The following CDH6 variants were observed in gnomAD, a reference collection of about 807,000 sequenced individuals.
CDH6 encodes the protein cadherin-6.
Under a neutral mutation model 78.0 loss-of-function variants are expected in CDH6, and 31 were observed. The observed-to-expected ratio is 0.40, with a 90% confidence interval of 0.30 to 0.54. The LOEUF is 0.54. CDH6 is among the 20% of genes least tolerant of loss of function. The pLI is 0.56. For missense variants in CDH6, 724 were observed against 975.9 expected (o/e 0.74, Z 3.44); for synonymous variants, 376 against 368.8 (o/e 1.02, Z -0.23).
At chr5:31,201,626 A>G (rs1052390072) in intron 1 of CDH6, among the ~76,000 whole-genome samples, 1 of 152,162 alleles carries the variant, frequency 6.6e-6, no homozygotes. Context: ...AAGTAACTCA[A>G]TGTCAATCCT....
intron 1 of CDH6, among the ~76,000 whole-genome samples, chr5:31,229,194 G>A (rs1181276051): frequency 2.6e-5 from 4 of 152,192 alleles, no homozygotes; most frequent in Non-Finnish European, 4.4e-5. Context: ...TCAAGGTGAA[G>A]AGACTCAGTC....
intron 2 of CDH6, among the ~76,000 whole-genome samples, chr5:31,279,893 G>A (rs1276229662): frequency 6.6e-6 from 1 of 152,120 alleles, no homozygotes; most frequent in Non-Finnish European, 1.5e-5. Context: ...AAAACAAAGG[G>A]CAGCTATTTA....
At chr5:31,200,842 T>G (rs894836076) in intron 1 of CDH6, among the ~76,000 whole-genome samples, 1 of 152,136 alleles carries the variant, frequency 6.6e-6, no homozygotes, top group African/African-American at 2.4e-5. Flanking sequence ...ATTCAAAAAG[T>G]CATGTAGTTA....
At chr5:31,255,676 C>T (rs1051720070) in intron 1 of CDH6, among the ~76,000 whole-genome samples, 3 of 152,170 alleles carry the variant, frequency 2.0e-5, no homozygotes, top group African/African-American at 7.2e-5. Context: ...CCTTCACAAG[C>T]CCCCTTCTGT....
In CDH6 at chr5:31,297,300, G is replaced by T. The variant is rs772493001; in HGVS notation, c.535G>T (p.Val179Phe). 1.2e-6 allele frequency: 2 copies of T among 1,611,590 alleles called. No homozygotes were observed. The highest frequency in any genetic ancestry group is 4.5e-5 in the East Asian group (2 of 44,834). The part of the protein sequence containing the change: ...PEMSDVGTFV[V>F]QVTATDADDP... ...TTCTGTCATTACAGGTACATTTGTT[G>T]TCCAAGTCACTGCGACGGATGCAGA... The change falls in exon 4 of 12, where the codon GTC becomes TTC. Residue 179 changes from valine to phenylalanine, a missense_variant. This residue lies in a region of CDH6 where 446 missense variants were observed against 684.5 expected (regional missense o/e 0.65). Coordinates refer to ENST00000265071, the MANE Select transcript of CDH6 (RefSeq NM_004932.4).
intron 1 of CDH6, among the ~76,000 whole-genome samples, chr5:31,212,197 T>C (rs980730019): frequency 2.6e-5 from 4 of 152,206 alleles, no homozygotes; most frequent in Admixed American, 2.0e-4. Context: ...AGTTAATTGC[T>C]AATAGAACTT....
At chr5:31,217,030 A>G (rs983403600) in intron 1 of CDH6, among the ~76,000 whole-genome samples, 29 of 152,080 alleles carry the variant, frequency 1.9e-4, no homozygotes, top group African/African-American at 7.0e-4. Context: ...TTTATTATGC[A>G]TGTTGATATT....
chr5:31,280,978 T>C (rs1476969372), intron 2 of CDH6, among the ~76,000 whole-genome samples: 3 of 151,942 alleles, frequency 2.0e-5, no homozygotes, highest in Admixed American at 6.6e-5. Context: ...TCCCTGATGG[T>C]ATGAGAGGTT....
intron 1 of CDH6, among the ~76,000 whole-genome samples, chr5:31,258,180 A>G (rs1310893215): frequency 6.6e-6 from 1 of 152,252 alleles, no homozygotes; most frequent in Non-Finnish European, 1.5e-5. Context: ...ATAAAGACAC[A>G]TGCACACATA....
chr5:31,202,627 A>G (rs374582828), intron 1 of CDH6, among the ~76,000 whole-genome samples: 266 of 149,532 alleles, frequency 1.8e-3, no homozygotes, highest in Non-Finnish European at 3.1e-3. Flanking sequence ...TAAGAGCAAA[A>G]CTTCACCTCA....
Position 31,213,097 on chromosome 5 carries a change from G to A in CDH6, c.-129+19211G>A, listed in dbSNP as rs192808726. ...CTAGAAAAATTCTCAAAAAATATGT[G>A]GTAGAAGTTATTTTGAATGCGTACT... is the stretch of plus-strand genomic sequence containing the variant. On this transcript the variant is annotated intron_variant, in intron 1 of 11. Transcript: ENST00000265071. 9.2e-4 allele frequency among the ~76,000 whole-genome samples: 140 copies of A among 152,200 alleles called. 1 individual carries two copies. Among genetic ancestry groups the A allele is most frequent in the African/African-American group, 3.3e-3 (138 of 41,534 alleles).
At chr5:31,227,123 G>A (rs529729721) in intron 1 of CDH6, among the ~76,000 whole-genome samples, 145 of 152,246 alleles carry the variant, frequency 9.5e-4, no homozygotes, top group Middle Eastern at 3.4e-3. Context: ...TCCCTGCCTA[G>A]CTGATGCTCG....
At chr5:31,235,430 C>A (rs1741430745) in intron 1 of CDH6, among the ~76,000 whole-genome samples, 2 of 151,940 alleles carry the variant, frequency 1.3e-5, no homozygotes, top group Admixed American at 6.6e-5. Flanking sequence ...ATATAGCTAT[C>A]CTCCATTCTA....
At chr5:31,259,089 G>A (rs1742139845) in intron 1 of CDH6, among the ~76,000 whole-genome samples, 1 of 152,196 alleles carries the variant, frequency 6.6e-6, no homozygotes, top group South Asian at 2.1e-4. Flanking sequence ...GATGGGCTTA[G>A]CAAGGTGCCT....
At chr5:31,318,176 A>G in intron 11 of CDH6, 1 of 594,502 alleles carries the variant, frequency 1.7e-6, no homozygotes, top group Non-Finnish European at 3.0e-6. Flanking sequence ...TGTCTATCAG[A>G]CTGGGAATGA....
intron 1 of CDH6, among the ~76,000 whole-genome samples, chr5:31,194,142 G>C (rs1233089591): frequency 6.6e-6 from 1 of 151,996 alleles, no homozygotes; most frequent in Non-Finnish European, 1.5e-5. Flanking sequence ...CCGCCTCCTG[G>C]TAAGACCGAT....
At chr5:31,302,873 G>GGGAA (rs1200177686) in intron 6 of CDH6, among the ~76,000 whole-genome samples, 351 of 105,930 alleles carry the variant, frequency 3.3e-3, no homozygotes, top group South Asian at 0.014. Flanking sequence ...GAAGAAAGGA[G>GGGAA]GGAAGGAAGG....
chr5:31,248,815 A>G (rs964732548), intron 1 of CDH6, among the ~76,000 whole-genome samples: 14 of 152,200 alleles, frequency 9.2e-5, no homozygotes, highest in African/African-American at 3.4e-4. Context: ...AAAAGGATTT[A>G]TGTTGGCCCT....
intron 1 of CDH6, among the ~76,000 whole-genome samples, chr5:31,219,943 C>A (rs780644484): frequency 4.6e-5 from 7 of 152,172 alleles, no homozygotes; most frequent in African/African-American, 1.7e-4. Context: ...AGTTGTTCCC[C>A]TCTTAATTTC....
Sources: allele counts gnomAD v4.1 joint callset (sites outside exome capture counted in the v4.1 genomes callset), GRCh38; gene constraint gnomAD v4.1.1; regional missense constraint gnomAD v4.1.1; transcripts MANE v1.5; gene names NCBI Gene and HGNC (gene_info 2026-07-23, HGNC 2026-07-21).